The following BAHCC1 variants were observed in gnomAD, a reference collection of about 807,000 sequenced individuals.
BAHCC1 encodes BAH and coiled-coil domain-containing protein 1.
In BAHCC1, 43 loss-of-function variants were observed where a neutral mutation model predicts 88.2. The ratio of observed to expected loss-of-function variants is 0.49; its 90% confidence interval spans 0.38 to 0.63. The LOEUF (loss-of-function observed/expected upper bound fraction) is 0.63, where lower values mean the gene tolerates loss of function less well. Ranked by LOEUF, BAHCC1 falls within the 20% of genes least tolerant of loss-of-function variation. The probability of loss-of-function intolerance (pLI) is 0.00; values close to 1 mark genes in which losing one functional copy is unlikely to be tolerated. For synonymous variants in BAHCC1, 1,510 were observed against 745.5 expected, an observed-to-expected ratio of 2.03 and a Z score of -16.71; for missense variants, 3,023 against 1,654.8, an observed-to-expected ratio of 1.83 and a Z score of -14.34.
chr17:81,442,532 G>A lies in BAHCC1; in HGVS notation c.1183G>A (p.Val395Met), dbSNP rs782594019. The change falls in exon 5 of 28, where the codon GTG becomes ATG. Residue 395 changes from valine (V) to methionine (M), a missense_variant. Val to Met is a conservative substitution (Grantham distance 21, BLOSUM62 1). Coordinates refer to ENST00000675386, the MANE Select transcript of BAHCC1 (RefSeq NM_001377448.1). ...RDLKASGPTF[V>M]PSVGHLADKG... is the part of the protein sequence containing the mutation. ...CCTAAAGGCCAGCGGGCCCACCTTC[G>A]TGCCTTCTGTGGGACACCTGGCCGA... The A allele has an allele frequency of 2.9e-5, 21 of 735,306 alleles. No homozygotes were observed. In the East Asian group the frequency reaches 3.5e-4, roughly 12 times the overall value. 45.5% of individuals were successfully genotyped at this position (735,306 alleles called of 1,614,324 possible).
intron 11 of BAHCC1, among the ~76,000 whole-genome samples, chr17:81,449,971 C>T (rs990613180): frequency 1.1e-4 from 16 of 152,110 alleles, no homozygotes; most frequent in Admixed American, 9.2e-4. Flanking sequence ...ATCTCAGGTG[C>T]GTGCCCCAGC....
intron 2 of BAHCC1, among the ~76,000 whole-genome samples, chr17:81,414,521 A>G: frequency 6.6e-6 from 1 of 151,922 alleles, no homozygotes; most frequent in East Asian, 1.9e-4. Flanking sequence ...CATCTACCCC[A>G]TCCCAGAGGT....
In BAHCC1 at chr17:81,455,253, C is replaced by A; in HGVS notation, c.4446-14C>A. On this transcript the variant is annotated splice_polypyrimidine_tract_variant and intron_variant, in intron 14 of 27. Transcript: ENST00000675386. Reference sequence around the variant, plus strand: ...GCCTGCATCTGCCCTGCACCCACCACCCCATGCCCCCAGGGCGGTGCGGAC... The same window carrying A: ...GCCTGCATCTGCCCTGCACCCACCAACCCATGCCCCCAGGGCGGTGCGGAC... 2 of 713,378 alleles carry A rather than the reference C, an allele frequency of 2.8e-6. No homozygotes were observed. The highest frequency in any genetic ancestry group is 5.2e-6 in the Non-Finnish European group (2 of 384,716). The allele number at this position is 713,378 out of a possible 1,614,324, so 44.2% of individuals were successfully genotyped here. A position where few individuals can be genotyped will look rare whatever the true frequency, so the allele number is the denominator to read the frequency against.
In BAHCC1 at chr17:81,460,719, A is replaced by G. The variant is rs1214626784; in HGVS notation, c.6202+13A>G. The G allele has an allele frequency of 1.3e-6, 1 of 775,046 alleles. No homozygotes were observed. Among genetic ancestry groups the G allele is most frequent in the Non-Finnish European group, 2.4e-6 (1 of 415,786 alleles). 48.0% of individuals were successfully genotyped at this position (775,046 alleles called of 1,614,324 possible). On this transcript the variant is annotated intron_variant, in intron 25 of 27. Coordinates refer to ENST00000675386, the MANE Select transcript of BAHCC1 (RefSeq NM_001377448.1). ...AAAGACAAAGCTGGTATTTTACCGGACTTCCCAGAATCCGGATCGGGGAAG... is the reference window on the plus strand; with the variant it reads ...AAAGACAAAGCTGGTATTTTACCGGGCTTCCCAGAATCCGGATCGGGGAAG...
At chr17:81,423,034 C>T (rs1261731985) in intron 2 of BAHCC1, among the ~76,000 whole-genome samples, 2 of 152,168 alleles carry the variant, frequency 1.3e-5, no homozygotes, top group South Asian at 2.1e-4. Flanking sequence ...CCATGGCAGT[C>T]CCAGCCTTGT....
intron 2 of BAHCC1, among the ~76,000 whole-genome samples, chr17:81,426,495 CGTGGTG>C (rs1367326098): frequency 6.8e-6 from 1 of 146,338 alleles, no homozygotes; most frequent in African/African-American, 2.6e-5. Flanking sequence ...TGATATGGCT[CGTGGTG>C]GTGGTGGTGG....
Position 81,443,755 on chromosome 17 carries a change from G to A in BAHCC1, c.2216-54G>A, listed in dbSNP as rs968225959. 6 of 700,242 alleles carry A rather than the reference G, an allele frequency of 8.6e-6. No homozygotes were observed. In the African/African-American group the frequency reaches 8.7e-5, roughly 10 times the overall value. The allele number at this position is 700,242 out of a possible 1,614,324, so 43.4% of individuals were successfully genotyped here. On this transcript the variant is annotated intron_variant, in intron 5 of 27. Coordinates refer to ENST00000675386, the MANE Select transcript of BAHCC1 (RefSeq NM_001377448.1). ...GCGGGGTCACTGCTTGCCTTAGCTGGTGGCTCCCTGGCCGCCCCAACCCTC... is the reference window on the plus strand; with the variant it reads ...GCGGGGTCACTGCTTGCCTTAGCTGATGGCTCCCTGGCCGCCCCAACCCTC...
chr17:81,459,289 G>T lies in BAHCC1; in HGVS notation c.5757G>T (p.Arg1919=). 1 of 779,442 alleles carries T rather than the reference G, an allele frequency of 1.3e-6. No individual in the cohort carries two copies. Among genetic ancestry groups the T allele is most frequent in the South Asian group, 1.3e-5 (1 of 74,606 alleles). 48.3% of individuals were successfully genotyped at this position (779,442 alleles called of 1,614,324 possible). ...SIVIEGERGN[R]QRIYSLEQLL... The stretch of plus-strand genomic sequence containing the variant: ...TCATCGAGGGCGAGAGGGGCAACCG[G>T]CAGAGGATCTACTCACTGGAGCAGC... Residue 1919 remains arginine (R), a synonymous_variant, in exon 22 of 28, where the codon CGG becomes CGT. Transcript: ENST00000675386.
intron 2 of BAHCC1, among the ~76,000 whole-genome samples, chr17:81,417,502 C>G (rs2064047879): frequency 6.6e-6 from 1 of 151,382 alleles, no homozygotes. Flanking sequence ...TCACTTGGCA[C>G]AGAGCTCTCA....
In BAHCC1 at chr17:81,447,182, G is replaced by A. The variant is rs782583268; in HGVS notation, c.3310G>A (p.Gly1104Arg). The change falls in exon 11 of 28, where the codon GGG becomes AGG. Residue 1104 changes from glycine (G) to arginine (R), a missense_variant. Physicochemically the swap from Gly to Arg is moderately radical, Grantham distance 125. Coordinates refer to ENST00000675386, the MANE Select transcript of BAHCC1 (RefSeq NM_001377448.1). ...QPEPTRTFLP[G>R]EPPPCSPRSL... The stretch of plus-strand genomic sequence containing the variant: ...TGAGCCCACAAGGACATTCCTGCCT[G>A]GGGAGCCGCCTCCCTGCAGCCCCAG... 2.6e-6 allele frequency: 2 copies of A among 769,978 alleles called. No homozygotes were observed. The highest frequency in any genetic ancestry group is 2.7e-5 in the South Asian group (2 of 73,502). 47.7% of individuals were successfully genotyped at this position (769,978 alleles called of 1,614,324 possible). A position where few individuals can be genotyped will look rare whatever the true frequency, so the allele number is the denominator to read the frequency against.
In BAHCC1 at chr17:81,399,255, G is replaced by C. The variant is rs1555645478; in HGVS notation, c.-206-279G>C. The C allele has an allele frequency of 2.5e-6, 1 of 400,308 alleles. No homozygotes were observed. The highest frequency in any genetic ancestry group is 1.7e-5 in the South Asian group (1 of 59,314). The allele number at this position is 400,308 out of a possible 1,614,324, so 24.8% of individuals were successfully genotyped here. ...TAGCTGCAGGGACCCGCGGGGACGA[G>C]AACGGGAGGCGGCGAGCAGTGCGGC... On this transcript the variant is annotated intron_variant, in intron 1 of 27. Coordinates refer to ENST00000675386, the MANE Select transcript of BAHCC1 (RefSeq NM_001377448.1). This position sits in a 1 kb window ranked among gnomAD's most constrained non-coding sequence, Gnocchi z 4.5.
rs370604467 is a variant in BAHCC1, at chr17:81,459,524, G to A, written c.5825G>A (p.Arg1942Gln). 3.6e-4 allele frequency: 284 copies of A among 779,576 alleles called. No homozygotes were observed. The highest frequency in any genetic ancestry group is 6.1e-4 in the Non-Finnish European group (256 of 417,860). The allele number at this position is 779,576 out of a possible 1,614,324, so 48.3% of individuals were successfully genotyped here. Reference protein sequence around the residue: ...AVLDVRPQSSRYLPPGTRVCA... With the variant: ...AVLDVRPQSSQYLPPGTRVCA... Reference sequence around the variant, plus strand: ...CTCGATGTGCGGCCACAGTCCAGCCGGTACCTCCCGCCCGGCACGCGGGTC... The same window carrying A: ...CTCGATGTGCGGCCACAGTCCAGCCAGTACCTCCCGCCCGGCACGCGGGTC... The change falls in exon 23 of 28, where the codon CGG (arginine) becomes CAG (glutamine). Residue 1942 changes from arginine (R) to glutamine (Q), a missense_variant. Coordinates refer to ENST00000675386, the MANE Select transcript of BAHCC1 (RefSeq NM_001377448.1).
At chr17:81,408,546 G>A (rs572379265) in intron 2 of BAHCC1, among the ~76,000 whole-genome samples, 14 of 152,110 alleles carry the variant, frequency 9.2e-5, no homozygotes, top group East Asian at 3.9e-4. Context: ...CTGCCACCCT[G>A]GAGTTCTGAT....
rs908671931 is a variant in BAHCC1, at chr17:81,462,971, G to A, written c.7615G>A (p.Gly2539Ser). The change falls in exon 27 of 28, where the codon GGC (glycine) becomes AGC (serine). Residue 2539 changes from glycine to serine, a missense_variant. Coordinates refer to ENST00000675386, the MANE Select transcript of BAHCC1 (RefSeq NM_001377448.1). ...ETKLGKRQCDGKNALYQSCHE... is the reference protein window; with the variant it reads ...ETKLGKRQCDSKNALYQSCHE... ...CAAGCTGGGCAAGAGGCAGTGCGAC[G>A]GCAAGGTGAGGCCCGGACAGGTGTG... 1.4e-5 allele frequency: 11 copies of A among 779,974 alleles called. No individual in the cohort carries two copies. The highest frequency in any genetic ancestry group is 1.7e-5 in the Admixed American group (1 of 59,022). The allele number at this position is 779,974 out of a possible 1,614,324, so 48.3% of individuals were successfully genotyped here. A position where few individuals can be genotyped will look rare whatever the true frequency, so the allele number is the denominator to read the frequency against.
chr17:81,402,479 T>C (rs1399825355), intron 2 of BAHCC1: 1 of 152,288 alleles, frequency 6.6e-6, no homozygotes, highest in Non-Finnish European at 1.5e-5. Context: ...TTGCGTCTTG[T>C]GTGCGGACTT....
intron 2 of BAHCC1, chr17:81,412,970 C>T (rs549373248): frequency 4.0e-5 from 11 of 277,920 alleles, no homozygotes; most frequent in African/African-American, 1.4e-4. Context: ...GACGGAAGCT[C>T]GGTGCGGGTG....
At chr17:81,405,670 C>T (rs2063869459) in intron 2 of BAHCC1, among the ~76,000 whole-genome samples, 1 of 152,216 alleles carries the variant, frequency 6.6e-6, no homozygotes, top group African/African-American at 2.4e-5. Context: ...AAATACTTTC[C>T]TGGTGGAAGA....
chr17:81,433,272 G>A (rs782601203), intron 3 of BAHCC1, among the ~76,000 whole-genome samples: 34 of 152,138 alleles, frequency 2.2e-4, no homozygotes, highest in Non-Finnish European at 3.8e-4. Context: ...CTGGACACCC[G>A]GGGGCCTGCC....
chr17:81,415,552 C>G (rs1555648507), intron 2 of BAHCC1: 2 of 516,748 alleles, frequency 3.9e-6, no homozygotes, highest in Admixed American at 2.0e-5. Context: ...CCCTTTCAGC[C>G]TGCAGTGACC....
Sources: allele counts gnomAD v4.1 joint callset (sites outside exome capture counted in the v4.1 genomes callset), GRCh38; gene constraint gnomAD v4.1.1; non-coding constraint Gnocchi (gnomAD v3.1); transcripts MANE v1.5; gene names NCBI Gene and HGNC (gene_info 2026-07-23, HGNC 2026-07-21).